The following SEZ6 variants were observed in gnomAD, a reference collection of about 807,000 sequenced individuals.
SEZ6 encodes seizure related 6 homolog.
Under a neutral mutation model 101.0 loss-of-function variants are expected in SEZ6, and 53 were observed. That is an observed-to-expected ratio of 0.52 (90% CI 0.42 to 0.66). The LOEUF (loss-of-function observed/expected upper bound fraction) is 0.66. Ranked by LOEUF, SEZ6 falls within the 30% of genes least tolerant of loss-of-function variation. The pLI is 0.00. For synonymous variants in SEZ6, 488 were observed against 512.2 expected, an observed-to-expected ratio of 0.95 and a Z score of 0.64; for missense variants, 1,102 against 1,289.4, an observed-to-expected ratio of 0.85 and a Z score of 2.23.
intron 1 of SEZ6, among the ~76,000 whole-genome samples, chr17:28,994,390 C>T (rs2041507599): frequency 6.6e-6 from 1 of 152,192 alleles, no homozygotes; most frequent in African/African-American, 2.4e-5. Context: ...ATTCTCTTGC[C>T]TCAGCCTCCC....
At chr17:28,975,826 G>A (rs886274650) in intron 3 of SEZ6, among the ~76,000 whole-genome samples, 53 of 152,222 alleles carry the variant, frequency 3.5e-4, no homozygotes, top group Admixed American at 3.5e-3. Flanking sequence ...AGGGACTGTG[G>A]GCAGCTGTGC....
chr17:28,958,925 A>G (rs1406199595), intron 10 of SEZ6, 100 bp downstream of exon 10: 22 of 1,309,056 alleles, frequency 1.7e-5, no homozygotes, highest in African/African-American at 3.0e-5. Flanking sequence ...TTTCCAGCTT[A>G]CTCTTGTCTG....
Position 28,981,615 on chromosome 17 carries a change from G to A in SEZ6, c.480C>T (p.Ser160=), listed in dbSNP as rs1450156504. The A allele has an allele frequency of 1.3e-6, 2 of 1,596,008 alleles. No individual in the cohort carries two copies. Among genetic ancestry groups the A allele is most frequent in the South Asian group, 1.1e-5 (1 of 89,604 alleles). Residue 160 remains serine (S), a synonymous_variant, in exon 2 of 17, where the codon AGC becomes AGT. Coordinates refer to ENST00000317338, the MANE Select transcript of SEZ6 (RefSeq NM_178860.5). ...CTGGGCCTAGGGTGGGCACTGCCATGCTGGGCCCTGGAGGTAGGGGAGCTG... is the reference window on the plus strand; with the variant it reads ...CTGGGCCTAGGGTGGGCACTGCCATACTGGGCCCTGGAGGTAGGGGAGCTG... ...RITAPLPPGP[S]MAVPTLGPGE...
At chr17:28,967,224 A>G (rs1318743342) in intron 4 of SEZ6, among the ~76,000 whole-genome samples, 1 of 152,188 alleles carries the variant, frequency 6.6e-6, no homozygotes, top group Non-Finnish European at 1.5e-5. Flanking sequence ...TACTTTCCAG[A>G]TTCTAAAATG....
At chr17:28,970,675 G>GT (rs2041138796) in intron 3 of SEZ6, among the ~76,000 whole-genome samples, 1 of 152,190 alleles carries the variant, frequency 6.6e-6, no homozygotes, top group Admixed American at 6.5e-5. Context: ...CTTCCTGCCT[G>GT]TAGGGCTTAA....
At position 28,981,589 on chromosome 17, in the gene SEZ6, C is replaced by T. The variant is rs908430286; in HGVS notation, c.506G>A (p.Gly169Glu). 2 of 1,607,490 alleles carry T rather than the reference C, an allele frequency of 1.2e-6. No homozygotes were observed. The highest frequency in any genetic ancestry group is 1.7e-5 in the Admixed American group (1 of 59,598). The change falls in exon 2 of 17, where the codon GGG becomes GAG. Residue 169 changes from glycine to glutamate, a missense_variant. Around this residue, in one of 3 missense-constraint regions of SEZ6, gnomAD observed 406 missense variants for 418.6 expected, o/e 0.97. Transcript: ENST00000317338. Reference protein sequence around the residue: ...PSMAVPTLGPGEIASTTPPSR... With the variant: ...PSMAVPTLGPEEIASTTPPSR... Reference sequence around the variant, plus strand: ...GGGGGGTGTAGTGCTGGCTATCTCCCCTGGGCCTAGGGTGGGCACTGCCAT... The same window carrying T: ...GGGGGGTGTAGTGCTGGCTATCTCCTCTGGGCCTAGGGTGGGCACTGCCAT...
chr17:28,968,995 G>T (rs1044990787), intron 4 of SEZ6, among the ~76,000 whole-genome samples: 2 of 152,202 alleles, frequency 1.3e-5, no homozygotes, highest in African/African-American at 4.8e-5. Context: ...AATGAAGCAT[G>T]TGCTAAGCAC....
In SEZ6 at chr17:28,967,625, G is replaced by T. The variant is rs114029978; in HGVS notation, c.1054+2132C>A. Among the ~76,000 whole-genome samples, 1,077 of 152,238 alleles carry T rather than the reference G, an allele frequency of 7.1e-3. 12 individuals carry two copies. The highest frequency in any genetic ancestry group is 0.025 in the African/African-American group (1,030 of 41,532). The stretch of plus-strand genomic sequence containing the variant: ...GGAGGAGGTTAAGAGGTTAACTGAC[G>T]CCTAGTGGGGTCTAGACCATGAGCC... On this transcript the variant is annotated intron_variant, in intron 4 of 16. Coordinates refer to ENST00000317338, the MANE Select transcript of SEZ6 (RefSeq NM_178860.5).
At chr17:28,964,367 TAGA>T (rs2041030597) in intron 4 of SEZ6, among the ~76,000 whole-genome samples, 1 of 152,282 alleles carries the variant, frequency 6.6e-6, no homozygotes, top group Middle Eastern at 3.4e-3. Context: ...AGCTGGAAAT[TAGA>T]AGGGTTAGGT....
At chr17:28,996,062 G>A (rs1270543600) in intron 1 of SEZ6, among the ~76,000 whole-genome samples, 53 of 150,952 alleles carry the variant, frequency 3.5e-4, no homozygotes, top group Admixed American at 1.8e-3. Context: ...GTGCAGTGGC[G>A]AGATCTCGGC....
intron 2 of SEZ6, among the ~76,000 whole-genome samples, chr17:28,980,706 G>T (rs2041288697): frequency 6.6e-6 from 1 of 151,192 alleles, no homozygotes; most frequent in South Asian, 2.1e-4. Flanking sequence ...GTTTCACCAT[G>T]TTGGCCAGAC....
In SEZ6 at chr17:28,982,374, A is replaced by G. The variant is rs531995362; in HGVS notation, c.56-335T>C. Among the ~76,000 whole-genome samples the G allele has an allele frequency of 2.6e-5, 4 of 152,350 alleles. No individual in the cohort carries two copies. In the South Asian group the frequency reaches 8.3e-4, roughly 32 times the overall value. On this transcript the variant is annotated intron_variant, in intron 1 of 16. Coordinates refer to ENST00000317338, the MANE Select transcript of SEZ6 (RefSeq NM_178860.5). ...GTCACACCTGACACCTCAGACTGAC[A>G]TGACAAATATTTGCCATCCCTAATG...
At chr17:28,968,371 C>G (rs950994254) in intron 4 of SEZ6, among the ~76,000 whole-genome samples, 12 of 152,364 alleles carry the variant, frequency 7.9e-5, no homozygotes, top group African/African-American at 2.9e-4. Flanking sequence ...GGTTGCTCCC[C>G]CTTGCTGGGC....
intron 1 of SEZ6, 81 bp from the exon 2 acceptor site, chr17:28,982,120 C>A: frequency 2.0e-6 from 3 of 1,465,368 alleles, no homozygotes; most frequent in South Asian, 1.4e-5. Context: ...GTGGGGGGGC[C>A]CGCTCTCTTT....
intron 3 of SEZ6, among the ~76,000 whole-genome samples, chr17:28,974,068 C>T (rs531779296): frequency 6.6e-6 from 1 of 152,206 alleles, no homozygotes; most frequent in Non-Finnish European, 1.5e-5. Context: ...ACAGCCTCAT[C>T]TGCCCTGTCT....
chr17:28,960,269 A>T (rs1012517784), intron 7 of SEZ6: 11 of 613,786 alleles, frequency 1.8e-5, no homozygotes, highest in Non-Finnish European at 5.7e-6. Flanking sequence ...TGGAGAATTT[A>T]TTCCCTTGGA....
At chr17:28,973,521 G>A (rs571959542) in intron 3 of SEZ6, among the ~76,000 whole-genome samples, 17 of 152,258 alleles carry the variant, frequency 1.1e-4, no homozygotes, top group East Asian at 5.8e-4. Context: ...CCTGGCTCCC[G>A]GCCCAGTCTA....
At chr17:28,977,344 C>T (rs2041234419) in intron 3 of SEZ6, among the ~76,000 whole-genome samples, 1 of 152,256 alleles carries the variant, frequency 6.6e-6, no homozygotes, top group Non-Finnish European at 1.5e-5. Context: ...GTGCCCGCCT[C>T]CCCTCCATGA....
chr17:28,959,501 C>T lies in SEZ6; in HGVS notation c.1772-29G>A, dbSNP rs759318883. The T allele has an allele frequency of 3.1e-5, 50 of 1,605,238 alleles. No homozygotes were observed. The Admixed American group carries it at 7.8e-4, about 25-fold the overall frequency. ...GAAGGCAGAGGAGGCCCAGAAGGGT[C>T]TTTTCAAGCTTACCATGGTGTTGCT... On this transcript the variant is annotated intron_variant, in intron 8 of 16. Transcript: ENST00000317338. The surrounding 1 kb of genome is among the most constrained non-coding windows in gnomAD (Gnocchi z 4.4).
Sources: allele counts gnomAD v4.1 joint callset (sites outside exome capture counted in the v4.1 genomes callset), GRCh38; gene constraint gnomAD v4.1.1; regional missense constraint gnomAD v4.1.1; non-coding constraint Gnocchi (gnomAD v3.1); transcripts MANE v1.5; gene names NCBI Gene and HGNC (gene_info 2026-07-23, HGNC 2026-07-21).